PTPRK: variants seen among roughly 807,000 people sequenced by gnomAD.
PTPRK encodes the protein receptor-type tyrosine-protein phosphatase kappa.
A neutral mutation model predicts 178.0 loss-of-function variants in PTPRK; 75 were observed. The observed-to-expected ratio is 0.42, with a 90% confidence interval of 0.35 to 0.51. The LOEUF is 0.51. Ranked by LOEUF, PTPRK falls within the 20% of genes least tolerant of loss-of-function variation. The pLI, the probability that PTPRK is intolerant of heterozygous loss-of-function variation, is 0.02. For synonymous variants in PTPRK, 637 were observed against 620.6 expected (o/e 1.03, Z -0.39); for missense variants, 1,441 against 1,797.8 (o/e 0.80, Z 3.59).
chr6:128,345,268 G>A (rs1250852383), intron 2 of PTPRK, among the ~76,000 whole-genome samples: 1 of 151,340 alleles, frequency 6.6e-6, no homozygotes, highest in Non-Finnish European at 1.5e-5. Context: ...CTTTTTTTTG[G>A]TTTGACACCA....
chr6:128,435,520 A>G (rs1845475202), intron 1 of PTPRK, among the ~76,000 whole-genome samples: 1 of 152,180 alleles, frequency 6.6e-6, no homozygotes, highest in African/African-American at 2.4e-5. Context: ...TTACTACAGC[A>G]CCGAGGAAGA....
At chr6:128,068,420 C>T (rs1285191359) in intron 11 of PTPRK, among the ~76,000 whole-genome samples, 1 of 152,204 alleles carries the variant, frequency 6.6e-6, no homozygotes, top group Non-Finnish European at 1.5e-5. Flanking sequence ...CCGCCTCCTT[C>T]TTCTGGAGTT....
At chr6:127,988,148 T>C (rs1000924963) in intron 21 of PTPRK, among the ~76,000 whole-genome samples, 4 of 144,066 alleles carry the variant, frequency 2.8e-5, no homozygotes, top group Admixed American at 7.1e-5. Flanking sequence ...TTCATGTTCT[T>C]GAATGAAATT....
chr6:128,293,280 G>A (rs756047684), intron 3 of PTPRK, among the ~76,000 whole-genome samples: 30 of 151,992 alleles, frequency 2.0e-4, no homozygotes, highest in Non-Finnish European at 4.0e-4. Context: ...GCACTAGCAG[G>A]TTTGGTTGTC....
intron 13 of PTPRK, chr6:128,062,128 C>T (rs6899843): frequency 0.11 from 17,008 of 153,028 alleles, 1,217 homozygotes; most frequent in Non-Finnish European, 0.15. Context: ...ACCATACTTG[C>T]ATGTTAGTTT....
intron 1 of PTPRK, among the ~76,000 whole-genome samples, chr6:128,507,230 G>A (rs1856503254): frequency 6.6e-6 from 1 of 152,104 alleles, no homozygotes; most frequent in African/African-American, 2.4e-5. Context: ...TAAAATATCA[G>A]TGACTCAACT....
intron 1 of PTPRK, among the ~76,000 whole-genome samples, chr6:128,514,801 AGT>A (rs1444255707): frequency 6.6e-6 from 1 of 152,202 alleles, no homozygotes; most frequent in Admixed American, 6.5e-5. Context: ...TCCCAGGCCC[AGT>A]GTTTTCCCAG....
intron 2 of PTPRK, among the ~76,000 whole-genome samples, chr6:128,334,175 T>G (rs983648190): frequency 6.6e-6 from 1 of 152,116 alleles, no homozygotes; most frequent in East Asian, 1.9e-4. Context: ...CAGATATAAT[T>G]AACAATAATC....
intron 7 of PTPRK, among the ~76,000 whole-genome samples, chr6:128,117,165 T>A (rs903072211): frequency 5.9e-5 from 9 of 151,614 alleles, no homozygotes; most frequent in African/African-American, 9.7e-5. Flanking sequence ...AAATAAAAAA[T>A]AAAAATAAAA....
chr6:128,228,699 A>T (rs1811818910), intron 5 of PTPRK, among the ~76,000 whole-genome samples: 1 of 151,116 alleles, frequency 6.6e-6, no homozygotes, highest in South Asian at 2.1e-4. Context: ...ACAACAAAAA[A>T]TTTTCTAAAA....
intron 2 of PTPRK, among the ~76,000 whole-genome samples, chr6:128,325,725 T>G (rs1429146359): frequency 6.6e-6 from 1 of 151,970 alleles, no homozygotes; most frequent in Non-Finnish European, 1.5e-5. Context: ...TTGGTGGGAG[T>G]GTAAATTAGT....
intron 1 of PTPRK, 63 bp downstream of exon 1, chr6:128,520,196 T>G (rs903769726): frequency 1.1e-5 from 15 of 1,400,914 alleles, no homozygotes; most frequent in Admixed American, 2.2e-5. Flanking sequence ...AGCGGGGACC[T>G]GGCTCACCCC....
chr6:128,213,207 C>G (rs144158179), intron 6 of PTPRK, among the ~76,000 whole-genome samples: 18 of 152,108 alleles, frequency 1.2e-4, no homozygotes, highest in African/African-American at 4.1e-4. Context: ...CTCTTTTGCT[C>G]ATTTAGAATT....
chr6:127,999,645 G>GA (rs1410102777), intron 15 of PTPRK, among the ~76,000 whole-genome samples: 2 of 151,992 alleles, frequency 1.3e-5, no homozygotes, highest in Non-Finnish European at 2.9e-5. Flanking sequence ...CCTCCAGGTT[G>GA]AGTTACAAAG....
At chr6:128,488,444 A>G (rs999583091) in intron 1 of PTPRK, among the ~76,000 whole-genome samples, 5 of 152,186 alleles carry the variant, frequency 3.3e-5, no homozygotes, top group Non-Finnish European at 7.3e-5. Context: ...TTGCCACTAG[A>G]TATTAACCAT....
chr6:128,328,553 G>A (rs1455013949), intron 2 of PTPRK, among the ~76,000 whole-genome samples: 1 of 152,104 alleles, frequency 6.6e-6, no homozygotes, highest in African/African-American at 2.4e-5. Flanking sequence ...TTTAATGAAC[G>A]AGTATAATGT....
chr6:128,457,197 T>C (rs2128409903), intron 1 of PTPRK, among the ~76,000 whole-genome samples: 1 of 152,268 alleles, frequency 6.6e-6, no homozygotes, highest in East Asian at 1.9e-4. Context: ...ATCTGAGTCA[T>C]ATCTATCTAA....
intron 19 of PTPRK, among the ~76,000 whole-genome samples, chr6:127,992,038 C>T (rs1776668745): frequency 6.6e-6 from 1 of 151,646 alleles, no homozygotes; most frequent in African/African-American, 2.4e-5. Flanking sequence ...GTTTTACTTT[C>T]CTTTTATATA....
chr6:128,213,534 C>A (rs1808643561), intron 6 of PTPRK, among the ~76,000 whole-genome samples: 1 of 152,014 alleles, frequency 6.6e-6, no homozygotes, highest in African/African-American at 2.4e-5. Flanking sequence ...TCCAAACTTC[C>A]TGTCAAGATG....
Sources: allele counts gnomAD v4.1 joint callset (sites outside exome capture counted in the v4.1 genomes callset), GRCh38; gene constraint gnomAD v4.1.1; transcripts MANE v1.5; gene names NCBI Gene and HGNC (gene_info 2026-07-23, HGNC 2026-07-21).